Variants in CFH observed in about 807,000 individuals in gnomAD.
CFH encodes complement factor H.
CFH carries 53 observed loss-of-function variants against 147.3 expected under a neutral mutation model. The ratio of observed to expected loss-of-function variants is 0.36; its 90% confidence interval spans 0.29 to 0.45. CFH has a LOEUF of 0.45. Among genes scored for constraint, CFH ranks in the 20% least tolerant of loss-of-function variants. The pLI is 1.00. For missense variants in CFH, 1,380 were observed against 1,498.0 expected (o/e 0.92, Z 1.30); for synonymous variants, 536 against 489.4 (o/e 1.10, Z -1.26).
chr1:196,668,819 A>T (rs1429591854), intron 1 of CFH, among the ~76,000 whole-genome samples: 2 of 152,206 alleles, frequency 1.3e-5, no homozygotes, highest in African/African-American at 4.8e-5. Context: ...GTAATTCTTT[A>T]TAGCAGTGCA....
chr1:196,701,240 G>A, intron 9 of CFH: 5 of 1,603,314 alleles, frequency 3.1e-6, no homozygotes, highest in Non-Finnish European at 4.3e-6. Flanking sequence ...GTCACATTCA[G>A]TTAGTCCTGA....
At chr1:196,702,431 T>A (rs1243804619) in intron 9 of CFH, among the ~76,000 whole-genome samples, 1 of 152,060 alleles carries the variant, frequency 6.6e-6, no homozygotes. Flanking sequence ...TATCTTGGTT[T>A]ATTCTCTGTT....
chr1:196,706,500 C>A (rs1178779106), intron 9 of CFH, among the ~76,000 whole-genome samples: 2 of 152,022 alleles, frequency 1.3e-5, no homozygotes, highest in South Asian at 2.1e-4. Context: ...CTGAAATAAA[C>A]TTCAGCCTAA....
At chr1:196,669,674 G>A (rs1667212115) in intron 1 of CFH, among the ~76,000 whole-genome samples, 1 of 152,232 alleles carries the variant, frequency 6.6e-6, no homozygotes, top group East Asian at 1.9e-4. Context: ...GTGCTTAGAT[G>A]TCCAGGCAGA....
chr1:196,698,569 T>C lies in CFH; in HGVS notation c.1336+8330T>C, dbSNP rs116462887. On this transcript the variant is annotated intron_variant, in intron 9 of 21. Coordinates refer to ENST00000367429, the MANE Select transcript of CFH (RefSeq NM_000186.4). ...ATAGGCCAAACACAAGTTCTGAAAT[T>C]GTGGTAGTAATTAATAGCCTGCCAA... Among the ~76,000 whole-genome samples, 575 of 152,258 alleles carry C rather than the reference T, an allele frequency of 3.8e-3. 2 individuals are homozygous for C. Among genetic ancestry groups the C allele is most frequent in the African/African-American group, 0.013 (556 of 41,548 alleles).
Position 196,690,232 on chromosome 1 carries a change from C to G in CFH, c.1329C>G (p.Ile443Met), listed in dbSNP as rs369205150. The change falls in exon 9 of 22, where the codon ATC becomes ATG. Residue 443 changes from isoleucine (I) to methionine (M), a missense_variant. Coordinates refer to ENST00000367429, the MANE Select transcript of CFH (RefSeq NM_000186.4). ...GCTGGTCTCCTACTCCCAGATGCATCCGTGTCAGTAAGTACACTACTCTGA... is the reference window on the plus strand; with the variant it reads ...GCTGGTCTCCTACTCCCAGATGCATGCGTGTCAGTAAGTACACTACTCTGA... ...ENGWSPTPRC[I>M]RVKTCSKSSI... The G allele has an allele frequency of 2.5e-6, 4 of 1,613,278 alleles. No homozygotes were observed. The South Asian group carries it at 4.4e-5, about 18-fold the overall frequency.
intron 8 of CFH, 125 bp from the exon 9 acceptor site, chr1:196,689,938 A>T: frequency 5.3e-6 from 6 of 1,135,876 alleles, no homozygotes; most frequent in Non-Finnish European, 7.4e-6. Flanking sequence ...GTCTTCAGTT[A>T]TACATTATTT....
At chr1:196,721,445 T>C (rs1288733203) in intron 11 of CFH, among the ~76,000 whole-genome samples, 1 of 152,058 alleles carries the variant, frequency 6.6e-6, no homozygotes, top group Non-Finnish European at 1.5e-5. Flanking sequence ...TTTAAAATTT[T>C]GGGAACTTGC....
At position 196,673,806 on chromosome 1, in the gene CFH, A is replaced by C. The variant is rs554773268; in HGVS notation, c.245-51A>C. ...ACTTGTTCCCCCACTCCTACATAAAATATATTCCTTGCTATTACATACTAA... is the reference window on the plus strand; with the variant it reads ...ACTTGTTCCCCCACTCCTACATAAACTATATTCCTTGCTATTACATACTAA... On this transcript the variant is annotated intron_variant, in intron 2 of 21. Coordinates refer to ENST00000367429, the MANE Select transcript of CFH (RefSeq NM_000186.4). The C allele has an allele frequency of 9.7e-6, 11 of 1,128,552 alleles. No homozygotes were observed. In the East Asian group the frequency reaches 2.4e-4, roughly 24 times the overall value. 69.9% of individuals were successfully genotyped at this position (1,128,552 alleles called of 1,614,324 possible).
At chr1:196,734,617 A>C (rs552531714) in intron 15 of CFH, among the ~76,000 whole-genome samples, 1 of 152,058 alleles carries the variant, frequency 6.6e-6, no homozygotes, top group Non-Finnish European at 1.5e-5. Context: ...TTTCTCATAA[A>C]GGGAATTGTT....
intron 9 of CFH, among the ~76,000 whole-genome samples, chr1:196,705,742 G>A (rs1342689982): frequency 6.6e-6 from 1 of 152,096 alleles, no homozygotes; most frequent in Non-Finnish European, 1.5e-5. Flanking sequence ...TCTCCAGGAG[G>A]CAGAAGAGTT....
intron 15 of CFH, among the ~76,000 whole-genome samples, chr1:196,730,335 C>T (rs1669253323): frequency 6.6e-6 from 1 of 150,948 alleles, no homozygotes. Flanking sequence ...ATGGTTTGAC[C>T]CTATGATTGT....
At chr1:196,707,702 C>A (rs2149099284) in intron 9 of CFH, among the ~76,000 whole-genome samples, 1 of 152,294 alleles carries the variant, frequency 6.6e-6, no homozygotes, top group African/African-American at 2.4e-5. Context: ...TCAACCCTAT[C>A]TGAATGGATA....
At chr1:196,678,444 T>A (rs1667532521) in intron 5 of CFH, 1 of 151,932 alleles carries the variant, frequency 6.6e-6, no homozygotes, top group Admixed American at 6.6e-5. Context: ...CATATTTATA[T>A]TTTAATATTA....
chr1:196,662,854 C>T (rs568282837), intron 1 of CFH, among the ~76,000 whole-genome samples: 3 of 150,558 alleles, frequency 2.0e-5, no homozygotes, highest in Non-Finnish European at 4.4e-5. Flanking sequence ...GCACTCCAGC[C>T]TGGGCAATAG....
intron 4 of CFH, 59 bp from the exon 5 acceptor site, chr1:196,677,417 T>C (rs766872283): frequency 1.7e-5 from 25 of 1,487,420 alleles, no homozygotes; most frequent in Non-Finnish European, 2.2e-5. Flanking sequence ...TACATACACA[T>C]ATTTTTCACA....
chr1:196,731,438 A>G (rs1204999519), intron 15 of CFH, among the ~76,000 whole-genome samples: 4 of 152,060 alleles, frequency 2.6e-5, no homozygotes, highest in East Asian at 1.9e-4. Context: ...CATGCTTTGC[A>G]TCTTTCAATA....
chr1:196,743,348 C>T, intron 19 of CFH, 104 bp from the exon 20 acceptor site: 1 of 1,458,240 alleles, frequency 6.9e-7, no homozygotes, highest in South Asian at 1.2e-5. Context: ...ATGAGATTGT[C>T]TACTTATTTT....
At chr1:196,695,439 G>A (rs767243381) in intron 9 of CFH, among the ~76,000 whole-genome samples, 6 of 152,052 alleles carry the variant, frequency 3.9e-5, no homozygotes, top group East Asian at 1.9e-4. Context: ...ATCAGGTAGC[G>A]TGATGCATCA....
Sources: allele counts gnomAD v4.1 joint callset (sites outside exome capture counted in the v4.1 genomes callset), GRCh38; gene constraint gnomAD v4.1.1; transcripts MANE v1.5; gene names NCBI Gene and HGNC (gene_info 2026-07-23, HGNC 2026-07-21).